The following CAPS2 variants were observed in gnomAD, a reference collection of about 807,000 sequenced individuals.
CAPS2 encodes the protein calcyphosin-2.
A neutral mutation model predicts 86.5 loss-of-function variants in CAPS2; 98 were observed. The observed-to-expected ratio is 1.13, with a 90% confidence interval of 0.96 to 1.34. CAPS2 has a LOEUF of 1.34. CAPS2 is among the 40% of genes most tolerant of loss of function. CAPS2 has a pLI of 0.00. For synonymous variants in CAPS2, 210 were observed against 225.1 expected (o/e 0.93, Z 0.60); for missense variants, 729 against 686.8 (o/e 1.06, Z -0.69).
chr12:75,357,944 G>A (rs2043260083), intron 1 of CAPS2, among the ~76,000 whole-genome samples: 1 of 148,364 alleles, frequency 6.7e-6, no homozygotes, highest in Non-Finnish European at 1.5e-5. Context: ...AGAAACTAGG[G>A]GACAAAAAAG....
upstream of CAPS2, chr12:75,326,652 C>T: frequency 1.8e-6 from 1 of 567,916 alleles, no homozygotes; most frequent in Admixed American, 2.9e-5. Flanking sequence ...AGTGCTTTTA[C>T]CAATATCAAC....
intron 4 of CAPS2, among the ~76,000 whole-genome samples, chr12:75,322,104 G>A (rs1331642574): frequency 2.0e-5 from 3 of 152,130 alleles, no homozygotes; most frequent in East Asian, 1.9e-4. Context: ...TTTGCATTAA[G>A]GAAATAAAAG....
chr12:75,382,285 A>T (rs1439109341), intron 1 of CAPS2, among the ~76,000 whole-genome samples: 1 of 152,226 alleles, frequency 6.6e-6, no homozygotes, highest in Non-Finnish European at 1.5e-5. Flanking sequence ...ATACATTTTT[A>T]AATTTGCTAG....
intron 1 of CAPS2, among the ~76,000 whole-genome samples, chr12:75,350,153 C>G (rs2042711525): frequency 6.6e-6 from 1 of 152,216 alleles, no homozygotes; most frequent in Admixed American, 6.5e-5. Flanking sequence ...TAAGCGAGAC[C>G]CTGACACATT....
chr12:75,387,759 A>G (rs1318299610), intron 1 of CAPS2, among the ~76,000 whole-genome samples: 1 of 152,190 alleles, frequency 6.6e-6, no homozygotes, highest in Admixed American at 6.5e-5. Flanking sequence ...CTACGAATGG[A>G]TCAATACATT....
exon 17 of CAPS2, chr12:75,277,744 A>T: frequency 1.2e-6 from 1 of 828,438 alleles, no homozygotes; most frequent in Non-Finnish European, 1.5e-6. Flanking sequence ...AAATATTTTC[A>T]TTTTGAATCA....
upstream of CAPS2, chr12:75,330,016 A>G (rs1376581965): frequency 3.1e-6 from 2 of 635,592 alleles, no homozygotes; most frequent in Non-Finnish European, 5.4e-6. Context: ...GCATTCAGAA[A>G]GCTTTAGACA....
At chr12:75,369,232 T>C (rs1463426613) in intron 1 of CAPS2, among the ~76,000 whole-genome samples, 2 of 151,970 alleles carry the variant, frequency 1.3e-5, no homozygotes, top group Non-Finnish European at 2.9e-5. Context: ...ATTACTATAA[T>C]TCAGTTCCAA....
intron 8 of CAPS2, among the ~76,000 whole-genome samples, chr12:75,300,258 T>C: frequency 6.6e-6 from 1 of 151,990 alleles, no homozygotes. Context: ...CCTCACACCA[T>C]AGAATTTGCT....
chr12:75,385,726 CTAAT>C (rs2045256271), intron 1 of CAPS2, among the ~76,000 whole-genome samples: 1 of 152,160 alleles, frequency 6.6e-6, no homozygotes, highest in South Asian at 2.1e-4. Flanking sequence ...ACTCCTGAAA[CTAAT>C]CAATGATTTT....
chr12:75,299,925 C>A lies in CAPS2; in HGVS notation c.780-14G>T. The A allele has an allele frequency of 8.6e-7, 1 of 1,165,300 alleles. No homozygotes were observed. The highest frequency in any genetic ancestry group is 1.8e-5 in the South Asian group (1 of 54,810). 72.2% of individuals were successfully genotyped at this position (1,165,300 alleles called of 1,614,324 possible). A position where few individuals can be genotyped will look rare whatever the true frequency, so the allele number is the denominator to read the frequency against. On this transcript the variant is annotated splice_polypyrimidine_tract_variant and intron_variant, in intron 8 of 16. Coordinates refer to ENST00000393284, the Ensembl canonical transcript of CAPS2. ...TGAGTTCTTATCCTGTTAAGAAATACATTTTGTCAGTAATTTTTCAAGATA... is the reference window on the plus strand; with the variant it reads ...TGAGTTCTTATCCTGTTAAGAAATAAATTTTGTCAGTAATTTTTCAAGATA...
intron 14 of CAPS2, among the ~76,000 whole-genome samples, chr12:75,287,515 C>A (rs2035102440): frequency 6.6e-6 from 1 of 152,078 alleles, no homozygotes; most frequent in African/African-American, 2.4e-5. Context: ...TTTGTCCAAT[C>A]ACATTTCTAC....
At chr12:75,344,489 A>G (rs1409027027) in intron 1 of CAPS2, among the ~76,000 whole-genome samples, 1 of 152,090 alleles carries the variant, frequency 6.6e-6, no homozygotes, top group Non-Finnish European at 1.5e-5. Flanking sequence ...TACATCTTCA[A>G]TGAATATACC....
intron 1 of CAPS2, among the ~76,000 whole-genome samples, chr12:75,365,474 C>A (rs2043902594): frequency 6.6e-6 from 1 of 152,062 alleles, no homozygotes; most frequent in African/African-American, 2.4e-5. Context: ...ATTCCTTTTA[C>A]CTTCTTTTGC....
chr12:75,294,706 C>T (rs1200431735), intron 11 of CAPS2, among the ~76,000 whole-genome samples: 1 of 152,126 alleles, frequency 6.6e-6, no homozygotes, highest in Non-Finnish European at 1.5e-5. Context: ...AATGGTACCC[C>T]GGAGTCTTCT....
chr12:75,371,748 A>G (rs1365752486), intron 1 of CAPS2, among the ~76,000 whole-genome samples: 1 of 152,242 alleles, frequency 6.6e-6, no homozygotes, highest in Non-Finnish European at 1.5e-5. Flanking sequence ...TAGAGGGAAT[A>G]AAATGAAGAT....
At chr12:75,340,082 T>A (rs1490493624) in intron 1 of CAPS2, among the ~76,000 whole-genome samples, 1 of 151,894 alleles carries the variant, frequency 6.6e-6, no homozygotes, top group African/African-American at 2.4e-5. Context: ...GCCATTATTT[T>A]GTTCCTTTTT....
chr12:75,285,007 C>T lies in CAPS2; in HGVS notation c.1469G>A (p.Gly490Asp), dbSNP rs1195140253. The stretch of plus-strand genomic sequence containing the variant: ...GTATTCATTCATTTCACCAATAATA[C>T]CACGTTTGAATTCTCCATAATCAAC... The change falls in exon 15 of 17, where the codon GGT (glycine) becomes GAT (aspartate). Residue 490 changes from glycine (G) to aspartate (D), a missense_variant. Physicochemically the swap from Gly to Asp is moderately conservative, Grantham distance 94 (BLOSUM62 -1). Transcript: ENST00000393284. 1.2e-6 allele frequency: 2 copies of T among 1,609,564 alleles called. No individual in the cohort carries two copies. The highest frequency in any genetic ancestry group is 1.7e-6 in the Non-Finnish European group (2 of 1,177,682).
chr12:75,323,279 C>T lies in CAPS2; in HGVS notation c.132-57G>A, dbSNP rs1301992211. On this transcript the variant is annotated intron_variant, in intron 2 of 16. Coordinates refer to ENST00000393284, the Ensembl canonical transcript of CAPS2. The stretch of plus-strand genomic sequence containing the variant: ...TTTTAACATGAAACTTTAATAAATG[C>T]AAATCTTATATGTTACATGTTTTAT... 110 of 1,330,660 alleles carry T rather than the reference C, an allele frequency of 8.3e-5. 2 individuals are homozygous for T. The South Asian group carries it at 1.4e-3, about 17-fold the overall frequency. The allele number at this position is 1,330,660 out of a possible 1,614,324, so 82.4% of individuals were successfully genotyped here. A position where few individuals can be genotyped will look rare whatever the true frequency, so the allele number is the denominator to read the frequency against.
Sources: allele counts gnomAD v4.1 joint callset (sites outside exome capture counted in the v4.1 genomes callset), GRCh38; gene constraint gnomAD v4.1.1; transcripts MANE v1.5; gene names NCBI Gene and HGNC (gene_info 2026-07-23, HGNC 2026-07-21).